Variants in AGBL4 observed in about 807,000 individuals in gnomAD.
AGBL4 encodes the protein AGBL carboxypeptidase 4, also known as cytosolic carboxypeptidase 6.
In AGBL4, 58 loss-of-function variants were observed where a neutral mutation model predicts 66.4. The observed-to-expected ratio is 0.87, with a 90% confidence interval of 0.71 to 1.09. The LOEUF is 1.09. AGBL4 is among the 50% of genes least tolerant of loss of function. The probability of loss-of-function intolerance (pLI) is 0.00; values close to 1 mark genes in which losing one functional copy is unlikely to be tolerated. For missense variants in AGBL4, 579 were observed against 631.0 expected (o/e 0.92, Z 0.88); for synonymous variants, 234 against 222.9 (o/e 1.05, Z -0.44).
intron 6 of AGBL4, among the ~76,000 whole-genome samples, chr1:48,688,569 C>A (rs997945525): frequency 5.3e-5 from 8 of 152,116 alleles, no homozygotes; most frequent in Non-Finnish European, 8.8e-5. Flanking sequence ...CTCTAGGGAC[C>A]CAGACTCCCC....
Position 49,262,711 on chromosome 1 carries a change from T to G in AGBL4, c.283-16847A>C, listed in dbSNP as rs188503151. Reference sequence around the variant, plus strand: ...AACACTTTTACACTGTTGGTGGCACTGTAAACTAGTTCAACCATTGTGGAG... The same window carrying G: ...AACACTTTTACACTGTTGGTGGCACGGTAAACTAGTTCAACCATTGTGGAG... On this transcript the variant is annotated intron_variant, in intron 3 of 13. Coordinates refer to ENST00000371839, the MANE Select transcript of AGBL4 (RefSeq NM_032785.4). Among the ~76,000 whole-genome samples the G allele has an allele frequency of 7.5e-3, 1,149 of 152,322 alleles. 8 individuals are homozygous for G. Among genetic ancestry groups the G allele is most frequent in the Middle Eastern group, 0.031 (9 of 294 alleles).
chr1:48,694,812 C>T (rs935663899), intron 6 of AGBL4, among the ~76,000 whole-genome samples: 4 of 152,016 alleles, frequency 2.6e-5, no homozygotes, highest in African/African-American at 4.8e-5. Context: ...CTCAGCTGCC[C>T]GACCCCCAAT....
At chr1:48,887,836 CTG>C (rs752222223) in intron 5 of AGBL4, among the ~76,000 whole-genome samples, 4 of 152,174 alleles carry the variant, frequency 2.6e-5, no homozygotes, top group Non-Finnish European at 5.9e-5. Flanking sequence ...GTATCTGTAA[CTG>C]TGTGCTCCTT....
intron 11 of AGBL4, among the ~76,000 whole-genome samples, chr1:48,578,017 G>T (rs1644681254): frequency 6.6e-6 from 1 of 152,152 alleles, no homozygotes; most frequent in Admixed American, 6.5e-5. Flanking sequence ...GCAGCCTGGG[G>T]CATGTAGGTT....
chr1:49,159,672 A>T (rs1646503228), intron 4 of AGBL4, among the ~76,000 whole-genome samples: 1 of 151,892 alleles, frequency 6.6e-6, no homozygotes, highest in Non-Finnish European at 1.5e-5. Flanking sequence ...ACTTGATTCC[A>T]TTCTCCCCCC....
intron 5 of AGBL4, among the ~76,000 whole-genome samples, chr1:48,877,713 G>A (rs1370482655): frequency 6.6e-6 from 1 of 152,062 alleles, no homozygotes; most frequent in Admixed American, 6.6e-5. Flanking sequence ...CTTTAGGGTG[G>A]TAGGACTTGC....
At chr1:49,881,949 T>C (rs1338558377) in intron 1 of AGBL4, among the ~76,000 whole-genome samples, 1 of 152,172 alleles carries the variant, frequency 6.6e-6, no homozygotes, top group East Asian at 1.9e-4. Context: ...GTTTTGGACA[T>C]GAAGTCCTTG....
At chr1:49,125,475 C>T (rs1645746788) in intron 4 of AGBL4, among the ~76,000 whole-genome samples, 1 of 152,012 alleles carries the variant, frequency 6.6e-6, no homozygotes, top group South Asian at 2.1e-4. Flanking sequence ...GGCTGCTTCG[C>T]AAGGAGAACT....
intron 6 of AGBL4, among the ~76,000 whole-genome samples, chr1:48,817,257 C>T (rs1646201977): frequency 6.6e-6 from 1 of 152,130 alleles, no homozygotes; most frequent in African/African-American, 2.4e-5. Flanking sequence ...TAAGTTTAGG[C>T]CTCAGCCTAT....
chr1:49,932,914 C>T (rs1653511984), intron 1 of AGBL4, among the ~76,000 whole-genome samples: 1 of 152,056 alleles, frequency 6.6e-6, no homozygotes, highest in South Asian at 2.1e-4. Flanking sequence ...AGTCTACAAA[C>T]CTTATGAAAC....
intron 4 of AGBL4, among the ~76,000 whole-genome samples, chr1:49,111,253 C>T (rs61470764): frequency 0.033 from 4,972 of 152,084 alleles, 255 homozygotes; most frequent in African/African-American, 0.1. Context: ...GCTGGGAGTA[C>T]AGGCGCCTGC....
Position 49,560,782 on chromosome 1 carries a change from C to T in AGBL4, c.282+136531G>A, listed in dbSNP as rs1018150208. On this transcript the variant is annotated intron_variant, in intron 3 of 13. Coordinates refer to ENST00000371839, the MANE Select transcript of AGBL4 (RefSeq NM_032785.4). ...AGCAGACTTTTCAATGGAAACCTTA[C>T]AAACTAGGAGAGACTCGAATGATTT... is the stretch of plus-strand genomic sequence containing the variant. 2.2e-4 allele frequency among the ~76,000 whole-genome samples: 21 copies of T among 93,426 alleles called. No homozygotes were observed. In the East Asian group the frequency reaches 4.4e-3, roughly 20 times the overall value. The allele number at this position is 93,426 out of a possible 152,430, so 61.3% of individuals were successfully genotyped here. A position where few individuals can be genotyped will look rare whatever the true frequency, so the allele number is the denominator to read the frequency against.
chr1:50,001,083 AATT>A (rs1572038398), intron 1 of AGBL4, among the ~76,000 whole-genome samples: 1 of 151,702 alleles, frequency 6.6e-6, no homozygotes, highest in Non-Finnish European at 1.5e-5. Flanking sequence ...GATATTAAGG[AATT>A]ATTATTGGTT....
chr1:48,692,582 A>G (rs1646650332), intron 6 of AGBL4, among the ~76,000 whole-genome samples: 2 of 152,366 alleles, frequency 1.3e-5, no homozygotes, highest in South Asian at 4.1e-4. Context: ...CCATCAAGGC[A>G]GAGCTGGATC....
chr1:49,039,550 G>A (rs1255625716), intron 5 of AGBL4, among the ~76,000 whole-genome samples: 3 of 152,086 alleles, frequency 2.0e-5, no homozygotes, highest in Non-Finnish European at 4.4e-5. Context: ...CAAACAAACT[G>A]AGCAGAGGCA....
At chr1:48,722,979 G>A (rs537277334) in intron 6 of AGBL4, among the ~76,000 whole-genome samples, 3 of 152,222 alleles carry the variant, frequency 2.0e-5, no homozygotes, top group South Asian at 4.1e-4. Context: ...TACTATTCCC[G>A]TTATTAAAAT....
chr1:49,675,742 G>A (rs1167392764), intron 3 of AGBL4, among the ~76,000 whole-genome samples: 2 of 152,012 alleles, frequency 1.3e-5, no homozygotes, highest in African/African-American at 4.8e-5. Context: ...TACTAAGGGA[G>A]ACAGTATATC....
At chr1:49,076,328 T>C (rs188092732) in intron 4 of AGBL4, among the ~76,000 whole-genome samples, 11 of 152,334 alleles carry the variant, frequency 7.2e-5, no homozygotes, top group Admixed American at 1.3e-4. Flanking sequence ...CATTTCAAGA[T>C]TACTTGTAAT....
At chr1:49,565,345 T>G (rs1028769355) in intron 3 of AGBL4, among the ~76,000 whole-genome samples, 9 of 152,198 alleles carry the variant, frequency 5.9e-5, no homozygotes, top group Admixed American at 5.9e-4. Context: ...ATCCTGTCAT[T>G]ATGATGTTAG....
Sources: gnomAD v4.1 joint callset for allele counts (sites outside exome capture counted in the v4.1 genomes callset) on GRCh38, gnomAD v4.1.1 for gene constraint, MANE v1.5 for transcripts, NCBI Gene and HGNC (gene_info 2026-07-23, HGNC 2026-07-21) for gene names.